PHF14: variants seen among roughly 807,000 people sequenced by gnomAD.
PHF14 encodes PHD finger protein 14.
Under a neutral mutation model 117.9 loss-of-function variants are expected in PHF14, and 55 were observed. That is an observed-to-expected ratio of 0.47 (90% CI 0.38 to 0.58). The LOEUF (loss-of-function observed/expected upper bound fraction) is 0.58, where lower values mean the gene tolerates loss of function less well. PHF14 is among the 20% of genes least tolerant of loss of function. The probability of loss-of-function intolerance (pLI) is 0.00; values close to 1 mark genes in which losing one functional copy is unlikely to be tolerated. For synonymous variants in PHF14, 409 were observed against 368.6 expected (o/e 1.11, Z -1.26); for missense variants, 978 against 1,122.2 (o/e 0.87, Z 1.84).
At chr7:11,114,491 A>G (rs1379597662) in intron 17 of PHF14, among the ~76,000 whole-genome samples, 1 of 152,120 alleles carries the variant, frequency 6.6e-6, no homozygotes, top group African/African-American at 2.4e-5. Context: ...ATCTGAATTC[A>G]TAATTTTTTG....
intron 17 of PHF14, among the ~76,000 whole-genome samples, chr7:11,115,793 A>C (rs888013121): frequency 3.9e-5 from 6 of 151,984 alleles, no homozygotes; most frequent in Non-Finnish European, 7.4e-5. Context: ...TCTTTCCTTA[A>C]CTTTCATTAG....
chr7:11,049,068 TAAAAC>T lies in PHF14; in HGVS notation c.2313-2531_2313-2527del, dbSNP rs546512747. 1.1e-4 allele frequency among the ~76,000 whole-genome samples: 17 copies of T among 152,312 alleles called. No individual in the cohort carries two copies. In the South Asian group the frequency reaches 3.5e-3, roughly 32 times the overall value. ...AGCGAAGAGGAAATATTTCAGTTTTTAAAACAAAACAAAACAATGATTTATCTGAA... is the reference window on the plus strand; with the variant it reads ...AGCGAAGAGGAAATATTTCAGTTTTTAAAACAAAACAATGATTTATCTGAA... On this transcript the variant is annotated intron_variant, in intron 13 of 17. Transcript: ENST00000634607.
At chr7:11,103,952 C>A in intron 16 of PHF14, 1 of 984,218 alleles carries the variant, frequency 1.0e-6, no homozygotes. Flanking sequence ...CTAGTTGTCA[C>A]TATATTAGCT....
At chr7:11,168,262 G>C (rs1167993016) in intron 17 of PHF14, among the ~76,000 whole-genome samples, 1 of 152,064 alleles carries the variant, frequency 6.6e-6, no homozygotes, top group Non-Finnish European at 1.5e-5. Context: ...ATTCAGATTG[G>C]TTGATAATAT....
intron 17 of PHF14, among the ~76,000 whole-genome samples, chr7:11,129,895 C>T (rs1293365648): frequency 1.3e-5 from 2 of 151,860 alleles, no homozygotes; most frequent in Non-Finnish European, 2.9e-5. Context: ...TGATTGCTTT[C>T]AGCACCAAGC....
intron 14 of PHF14, among the ~76,000 whole-genome samples, chr7:11,055,733 A>G (rs1229506826): frequency 6.6e-6 from 1 of 152,124 alleles, no homozygotes; most frequent in South Asian, 2.1e-4. Flanking sequence ...TACTTTTATT[A>G]CATTTATGTT....
intron 3 of PHF14, among the ~76,000 whole-genome samples, chr7:10,983,701 G>A (rs1782123689): frequency 2.0e-5 from 3 of 152,026 alleles, no homozygotes; most frequent in South Asian, 2.1e-4. Flanking sequence ...TGCTTTATGT[G>A]TATGGGACAT....
chr7:11,097,418 C>T (rs550148583), intron 16 of PHF14, among the ~76,000 whole-genome samples: 1 of 152,108 alleles, frequency 6.6e-6, no homozygotes, highest in Non-Finnish European at 1.5e-5. Flanking sequence ...GTATTGATAT[C>T]AGAGTCTCCT....
At chr7:11,110,891 T>C (rs1192302148) in intron 16 of PHF14, 1 of 152,820 alleles carries the variant, frequency 6.5e-6, no homozygotes, top group African/African-American at 2.4e-5. Flanking sequence ...TGTAGCCTAG[T>C]AGAATTTCTG....
At chr7:11,114,518 C>T (rs957161439) in intron 17 of PHF14, among the ~76,000 whole-genome samples, 6 of 151,988 alleles carry the variant, frequency 3.9e-5, no homozygotes, top group Admixed American at 1.3e-4. Flanking sequence ...CACATGAAAG[C>T]GGAAATACAC....
intron 6 of PHF14, among the ~76,000 whole-genome samples, chr7:11,025,859 C>A (rs1783889716): frequency 1.3e-5 from 2 of 152,032 alleles, no homozygotes; most frequent in South Asian, 2.1e-4. Flanking sequence ...CGCCTGTAAT[C>A]CCGACACTTT....
At chr7:11,000,519 A>G (rs888349588) in intron 4 of PHF14, among the ~76,000 whole-genome samples, 1 of 151,586 alleles carries the variant, frequency 6.6e-6, no homozygotes, top group Non-Finnish European at 1.5e-5. Flanking sequence ...TTTTATTTTT[A>G]GTAGAGATGG....
intron 16 of PHF14, chr7:11,103,839 A>G (rs899150625): frequency 1.0e-6 from 1 of 981,066 alleles, no homozygotes; most frequent in Non-Finnish European, 1.2e-6. Flanking sequence ...AATTACATAT[A>G]AACAGATTAT....
intron 16 of PHF14, among the ~76,000 whole-genome samples, chr7:11,067,196 A>C (rs945407644): frequency 6.6e-6 from 1 of 152,228 alleles, no homozygotes; most frequent in East Asian, 1.9e-4. Context: ...GCCAACAAGC[A>C]TATGAAAAGA....
intron 17 of PHF14, among the ~76,000 whole-genome samples, chr7:11,149,063 A>G (rs1328436212): frequency 6.6e-6 from 1 of 151,846 alleles, no homozygotes; most frequent in Non-Finnish European, 1.5e-5. Flanking sequence ...ACTGAGAATG[A>G]GGGGTCATAT....
chr7:11,021,604 A>C (rs555356121), intron 5 of PHF14, among the ~76,000 whole-genome samples: 47 of 152,288 alleles, frequency 3.1e-4, no homozygotes, highest in African/African-American at 9.9e-4. Flanking sequence ...TATCAGAGAT[A>C]AACTCCTACA....
In PHF14 at chr7:10,985,356, A is replaced by G. The variant is rs551825813; in HGVS notation, c.900+2197A>G. Among the ~76,000 whole-genome samples the G allele has an allele frequency of 3.6e-4, 55 of 152,264 alleles. No individual in the cohort carries two copies. The South Asian group carries it at 0.011, about 31-fold the overall frequency. On this transcript the variant is annotated intron_variant, in intron 3 of 17. Transcript: ENST00000634607. Reference sequence around the variant, plus strand: ...TTGTTTTCAGAAACTACTTTGTAGTAGAGTTAGGTGAAAATGTAGCTTTAG... The same window carrying G: ...TTGTTTTCAGAAACTACTTTGTAGTGGAGTTAGGTGAAAATGTAGCTTTAG...
At chr7:11,063,615 G>A (rs1487473372) in intron 16 of PHF14, 1 of 975,742 alleles carries the variant, frequency 1.0e-6, no homozygotes, top group African/African-American at 1.8e-5. Context: ...TTTAATATGA[G>A]ATTGATTGAG....
intron 17 of PHF14, among the ~76,000 whole-genome samples, chr7:11,113,604 T>C (rs1306519129): frequency 6.6e-6 from 1 of 152,190 alleles, no homozygotes; most frequent in African/African-American, 2.4e-5. Flanking sequence ...TATGACTTAA[T>C]ATACTACCAT....
Sources: gnomAD v4.1 joint callset for allele counts (sites outside exome capture counted in the v4.1 genomes callset) on GRCh38, gnomAD v4.1.1 for gene constraint, MANE v1.5 for transcripts, NCBI Gene and HGNC (gene_info 2026-07-23, HGNC 2026-07-21) for gene names.